ZNF385D: variants seen among roughly 807,000 people sequenced by gnomAD.
The protein encoded by ZNF385D is zinc finger protein 385D, also known as zinc finger protein 659.
In ZNF385D, 15 loss-of-function variants were observed where a neutral mutation model predicts 35.8. That is an observed-to-expected ratio of 0.42 (90% CI 0.28 to 0.64). The LOEUF is 0.64. Among genes scored for constraint, ZNF385D ranks in the 30% least tolerant of loss-of-function variants. The pLI is 0.23. For missense variants in ZNF385D, 474 were observed against 494.6 expected (o/e 0.96, Z 0.39); for synonymous variants, 212 against 186.8 (o/e 1.13, Z -1.10).
At chr3:22,247,609 T>TTATTTATTTATTTA (rs1699852122) in intron 2 of ZNF385D, among the ~76,000 whole-genome samples, 1 of 148,170 alleles carries the variant, frequency 6.7e-6, no homozygotes, top group African/African-American at 2.6e-5. Context: ...ACCAACCATT[T>TTATTTATTTATTTA]TACAATTTTA....
At chr3:22,108,411 G>C (rs1054268212) in intron 3 of ZNF385D, among the ~76,000 whole-genome samples, 3 of 151,572 alleles carry the variant, frequency 2.0e-5, no homozygotes, top group Non-Finnish European at 4.4e-5. Context: ...ACTTCCTTAA[G>C]AGGAAAGAAG....
At chr3:22,068,973 T>C (rs1700100523) in intron 3 of ZNF385D, among the ~76,000 whole-genome samples, 1 of 152,202 alleles carries the variant, frequency 6.6e-6, no homozygotes, top group African/African-American at 2.4e-5. Context: ...AGGTGCTATC[T>C]TTACTCTCCC....
intron 2 of ZNF385D, among the ~76,000 whole-genome samples, chr3:21,592,395 C>CAA (rs1553619224): frequency 4.3e-5 from 1 of 23,452 alleles, no homozygotes; most frequent in Non-Finnish European, 8.4e-5. Context: ...CTTTTTGAAT[C>CAA]ATAAACAGCA....
rs2335430 is a variant in ZNF385D, at chr3:21,762,368, G to A, written c.326-97340C>T. On this transcript the variant is annotated intron_variant, in intron 3 of 5. Transcript: ENST00000494108. ...CTGGTATCATGCTTTCTCTTTACCC[G>A]GTAAAGCTCTTTTCCACTGTCTCAA... Among the ~76,000 whole-genome samples, 3 of 151,628 alleles carry A rather than the reference G, an allele frequency of 2.0e-5. No individual in the cohort carries two copies. In the East Asian group the frequency reaches 5.9e-4, roughly 30 times the overall value.
intron 3 of ZNF385D, among the ~76,000 whole-genome samples, chr3:22,157,117 G>A (rs1026482273): frequency 3.9e-5 from 6 of 152,222 alleles, no homozygotes; most frequent in East Asian, 1.9e-4. Flanking sequence ...ATGAATATGC[G>A]TGTGGACTCT....
chr3:21,710,870 T>C (rs2068074013), intron 1 of ZNF385D, among the ~76,000 whole-genome samples: 1 of 151,998 alleles, frequency 6.6e-6, no homozygotes, highest in Non-Finnish European at 1.5e-5. Context: ...TGTTAAGAAG[T>C]TCTTCTTAGA....
At chr3:21,631,842 T>G (rs2065290170) in intron 2 of ZNF385D, among the ~76,000 whole-genome samples, 1 of 152,168 alleles carries the variant, frequency 6.6e-6, no homozygotes. Context: ...ATTTTAGGGA[T>G]GCAATCTCGT....
chr3:21,933,597 C>A (rs1204552273), intron 3 of ZNF385D, among the ~76,000 whole-genome samples: 2 of 152,016 alleles, frequency 1.3e-5, no homozygotes, highest in African/African-American at 2.4e-5. Flanking sequence ...ACATGGAAAG[C>A]AAAAATATAG....
At chr3:21,503,520 A>G (rs888402461) in intron 4 of ZNF385D, among the ~76,000 whole-genome samples, 2 of 152,102 alleles carry the variant, frequency 1.3e-5, no homozygotes, top group Admixed American at 6.6e-5. Context: ...GTTCTACTAC[A>G]TTTCTCATTT....
chr3:21,451,566 T>C (rs1030368201), intron 4 of ZNF385D, among the ~76,000 whole-genome samples: 2 of 152,106 alleles, frequency 1.3e-5, no homozygotes, highest in African/African-American at 4.8e-5. Flanking sequence ...ATTCTAAACA[T>C]CATTACTGTT....
intron 2 of ZNF385D, among the ~76,000 whole-genome samples, chr3:21,636,249 C>T (rs1251312973): frequency 6.7e-6 from 1 of 149,820 alleles, no homozygotes; most frequent in Non-Finnish European, 1.5e-5. Context: ...TTATTATGGA[C>T]ATTCCTGCAG....
intron 3 of ZNF385D, among the ~76,000 whole-genome samples, chr3:21,921,222 CAAAAA>C: frequency 1.5e-5 from 1 of 68,964 alleles, no homozygotes; most frequent in Middle Eastern, 0.012. Flanking sequence ...GACTCCATCT[CAAAAA>C]AAAAAAAAAA....
chr3:22,251,854 G>A (rs1012913780), intron 2 of ZNF385D, among the ~76,000 whole-genome samples: 1 of 152,002 alleles, frequency 6.6e-6, no homozygotes, highest in Non-Finnish European at 1.5e-5. Flanking sequence ...ACATAGACCT[G>A]GGAAACTCAC....
At chr3:22,182,016 T>C (rs918563435) in intron 2 of ZNF385D, among the ~76,000 whole-genome samples, 3 of 152,030 alleles carry the variant, frequency 2.0e-5, no homozygotes, top group South Asian at 4.1e-4. Flanking sequence ...AGGTGGTTCC[T>C]TCCCCAGTTG....
At chr3:22,154,816 A>AT (rs1705484404) in intron 3 of ZNF385D, among the ~76,000 whole-genome samples, 1 of 152,186 alleles carries the variant, frequency 6.6e-6, no homozygotes, top group South Asian at 2.1e-4. Flanking sequence ...TCTGTTTTAA[A>AT]TTTTAAAATC....
intron 2 of ZNF385D, among the ~76,000 whole-genome samples, chr3:22,369,657 T>A (rs889555665): frequency 3.3e-5 from 5 of 152,194 alleles, no homozygotes; most frequent in Admixed American, 2.6e-4. Context: ...AATGGGTTTA[T>A]ACAAATTTTA....
At chr3:21,957,567 G>A (rs1007004688) in intron 3 of ZNF385D, among the ~76,000 whole-genome samples, 15 of 152,136 alleles carry the variant, frequency 9.9e-5, no homozygotes, top group Admixed American at 5.2e-4. Context: ...AAACTCACAT[G>A]GCACAAGCCT....
intron 2 of ZNF385D, among the ~76,000 whole-genome samples, chr3:22,256,962 A>G (rs961696907): frequency 6.6e-6 from 1 of 151,922 alleles, no homozygotes; most frequent in Non-Finnish European, 1.5e-5. Context: ...AGGAAGACTT[A>G]GATCAAAAGT....
chr3:21,949,931 C>T (rs991232088), intron 3 of ZNF385D, among the ~76,000 whole-genome samples: 1 of 152,020 alleles, frequency 6.6e-6, no homozygotes, highest in African/African-American at 2.4e-5. Flanking sequence ...GTATATGTGC[C>T]ACATTTTCTT....
Sources: gnomAD v4.1 joint callset for allele counts (sites outside exome capture counted in the v4.1 genomes callset) on GRCh38, gnomAD v4.1.1 for gene constraint, MANE v1.5 for transcripts, NCBI Gene and HGNC (gene_info 2026-07-23, HGNC 2026-07-21) for gene names.